SLC39A12: variants seen among roughly 807,000 people sequenced by gnomAD.
SLC39A12 encodes the protein solute carrier family 39 member 12.
In SLC39A12, 63 loss-of-function variants were observed where a neutral mutation model predicts 71.1. The ratio of observed to expected loss-of-function variants is 0.89; its 90% CI spans 0.72 to 1.09. The LOEUF (loss-of-function observed/expected upper bound fraction) is 1.09. SLC39A12 is among the 50% of genes least tolerant of loss of function. SLC39A12 has a pLI of 0.00. For missense variants in SLC39A12, 892 were observed against 812.6 expected, an observed-to-expected ratio of 1.10 and a Z score of -1.19; for synonymous variants, 351 against 301.3, an observed-to-expected ratio of 1.16 and a Z score of -1.71.
chr10:17,969,381 G>T (rs1015393503), intron 4 of SLC39A12, among the ~76,000 whole-genome samples: 1 of 152,030 alleles, frequency 6.6e-6, no homozygotes, highest in Admixed American at 6.6e-5. Flanking sequence ...TCTCCATAGG[G>T]GTCATACTAA....
intron 12 of SLC39A12, among the ~76,000 whole-genome samples, chr10:18,032,495 A>AT (rs1293481181): frequency 7.3e-6 from 1 of 136,600 alleles, no homozygotes; most frequent in Non-Finnish European, 1.6e-5. Flanking sequence ...TTGTACATTG[A>AT]TTTTGTATCC....
intron 12 of SLC39A12, among the ~76,000 whole-genome samples, chr10:18,016,258 CT>C (rs1836380408): frequency 6.6e-6 from 1 of 152,144 alleles, no homozygotes; most frequent in Admixed American, 6.5e-5. Flanking sequence ...ATGGTTTTGT[CT>C]TTTTCAGAAT....
intron 12 of SLC39A12, among the ~76,000 whole-genome samples, chr10:18,012,165 G>T (rs971416578): frequency 6.6e-6 from 1 of 152,024 alleles, no homozygotes; most frequent in Non-Finnish European, 1.5e-5. Flanking sequence ...AATCAAATAT[G>T]ATTCTAAAAT....
intron 3 of SLC39A12, among the ~76,000 whole-genome samples, chr10:17,965,129 C>T (rs1010932998): frequency 6.6e-6 from 1 of 152,002 alleles, no homozygotes; most frequent in Non-Finnish European, 1.5e-5. Context: ...ATCGCTTGAA[C>T]CCGGGAGGTG....
chr10:17,959,491 A>T (rs1554848101), intron 2 of SLC39A12, among the ~76,000 whole-genome samples: 1 of 152,214 alleles, frequency 6.6e-6, no homozygotes, highest in African/African-American at 2.4e-5. Flanking sequence ...GTTGTACAGC[A>T]GACCTTGAAT....
intron 12 of SLC39A12, among the ~76,000 whole-genome samples, chr10:18,011,697 G>A (rs1417399618): frequency 6.6e-6 from 1 of 152,212 alleles, no homozygotes; most frequent in Admixed American, 6.5e-5. Context: ...AGGAAAAAAA[G>A]GAGAAGAGAA....
intron 12 of SLC39A12, among the ~76,000 whole-genome samples, chr10:18,030,536 G>T (rs1401769589): frequency 6.6e-6 from 1 of 151,916 alleles, no homozygotes. Flanking sequence ...ACCGTGCCCG[G>T]CCAAGTCTTT....
chr10:18,010,878 T>TTCC (rs1207987752), intron 12 of SLC39A12, among the ~76,000 whole-genome samples: 1 of 152,124 alleles, frequency 6.6e-6, no homozygotes, highest in Admixed American at 6.6e-5. Flanking sequence ...AGACCAACCG[T>TTCC]TCCTCCTCCT....
intron 10 of SLC39A12, among the ~76,000 whole-genome samples, chr10:17,998,658 C>T (rs914881781): frequency 2.6e-5 from 4 of 152,088 alleles, no homozygotes; most frequent in African/African-American, 9.7e-5. Flanking sequence ...TAAGTTAGTT[C>T]TACAGTGATA....
At chr10:18,038,654 AAAATAAATAAAT>A (rs141486316) in intron 12 of SLC39A12, among the ~76,000 whole-genome samples, 10 of 150,214 alleles carry the variant, frequency 6.7e-5, no homozygotes, top group Admixed American at 1.3e-4. Context: ...CTCTGTCTCA[AAAATAAATAAAT>A]AAATAAATAA....
chr10:18,010,128 G>T (rs1307626791), intron 12 of SLC39A12, among the ~76,000 whole-genome samples: 1 of 152,062 alleles, frequency 6.6e-6, no homozygotes, highest in Non-Finnish European at 1.5e-5. Flanking sequence ...GAGTTTGAAT[G>T]AGTCTTTCTT....
At position 17,965,471 on chromosome 10, in the gene SLC39A12, A is replaced by G. The variant is rs1469821362; in HGVS notation, c.544-12A>G. 3.7e-6 allele frequency: 6 copies of G among 1,610,890 alleles called. No homozygotes were observed. Among genetic ancestry groups the G allele is most frequent in the East Asian group, 2.2e-5 (1 of 44,860 alleles). Reference sequence around the variant, plus strand: ...TGTTACAATTTTCTCTTTATTTTGTATCTGATTTCAGTGTATGGAAACCAA... The same window carrying G: ...TGTTACAATTTTCTCTTTATTTTGTGTCTGATTTCAGTGTATGGAAACCAA... On this transcript the variant is annotated splice_polypyrimidine_tract_variant and intron_variant, in intron 3 of 12. Coordinates refer to ENST00000377369, the MANE Select transcript of SLC39A12 (RefSeq NM_001145195.2).
intron 12 of SLC39A12, among the ~76,000 whole-genome samples, 157 bp from the exon 13 acceptor site, chr10:18,042,548 A>T (rs1837288081): frequency 6.6e-6 from 1 of 152,120 alleles, no homozygotes; most frequent in African/African-American, 2.4e-5. Context: ...TTACATTTCA[A>T]AGACATGGTA....
intron 12 of SLC39A12, among the ~76,000 whole-genome samples, chr10:18,036,169 G>A (rs1353898203): frequency 6.6e-6 from 1 of 152,242 alleles, no homozygotes; most frequent in Non-Finnish European, 1.5e-5. Context: ...GCTGTGGTGG[G>A]TTCCACCCAG....
intron 12 of SLC39A12, among the ~76,000 whole-genome samples, chr10:18,041,535 TACACACAC>T (rs56222977): frequency 8.3e-6 from 1 of 120,684 alleles, no homozygotes; most frequent in African/African-American, 3.1e-5. Context: ...TGTATATATA[TACACACAC>T]ACACACACAC....
intron 12 of SLC39A12, among the ~76,000 whole-genome samples, chr10:18,037,454 A>G (rs897803392): frequency 6.6e-6 from 1 of 152,188 alleles, no homozygotes; most frequent in Non-Finnish European, 1.5e-5. Context: ...TGTTCACTAC[A>G]GTTAGGAGGT....
chr10:17,970,674 TTGTGTGTGTGTGTGTGTGTG>T (rs61528284), intron 4 of SLC39A12, among the ~76,000 whole-genome samples: 7 of 145,524 alleles, frequency 4.8e-5, no homozygotes, highest in African/African-American at 1.3e-4. Flanking sequence ...TTCTAATAGT[TTGTGTGTGTGTGTGTGTGTG>T]TGTGTGTGTG....
intron 12 of SLC39A12, among the ~76,000 whole-genome samples, chr10:18,033,535 C>T (rs1836912080): frequency 6.9e-6 from 1 of 144,398 alleles, no homozygotes; most frequent in African/African-American, 2.6e-5. Context: ...TTTGATTCTT[C>T]TCTCTTTTTT....
At chr10:17,974,813 G>C (rs754267697) in intron 4 of SLC39A12, among the ~76,000 whole-genome samples, 3 of 152,166 alleles carry the variant, frequency 2.0e-5, no homozygotes, top group African/African-American at 7.2e-5. Flanking sequence ...ATTAGCAGGT[G>C]GTGAAGCCAG....
Sources: allele counts gnomAD v4.1 joint callset (sites outside exome capture counted in the v4.1 genomes callset), GRCh38; gene constraint gnomAD v4.1.1; transcripts MANE v1.5; gene names NCBI Gene and HGNC (gene_info 2026-07-23, HGNC 2026-07-21).